Variants in SGCD observed in about 807,000 individuals in gnomAD.
SGCD encodes the protein delta-sarcoglycan.
SGCD carries 18 observed loss-of-function variants against 36.6 expected under a neutral mutation model. The observed-to-expected ratio is 0.49, with a 90% confidence interval of 0.34 to 0.73. The LOEUF is 0.73. Ranked by LOEUF, SGCD falls within the 30% of genes least tolerant of loss-of-function variation. The pLI, the probability that SGCD is intolerant of heterozygous loss-of-function variation, is 0.01. For synonymous variants in SGCD, 133 were observed against 130.6 expected, an observed-to-expected ratio of 1.02 and a Z score of -0.12; for missense variants, 387 against 346.7, an observed-to-expected ratio of 1.12 and a Z score of -0.92.
chr5:155,800,707 G>A, the SGCD span, among the ~76,000 whole-genome samples: 11 of 151,884 alleles, frequency 7.2e-5, no homozygotes, highest in African/African-American at 1.7e-4. Flanking sequence ...AGATCTTTGC[G>A]CAGTTTGGGG....
At chr5:156,291,341 T>TA (rs968748059) in intron 3 of SGCD, among the ~76,000 whole-genome samples, 4 of 151,972 alleles carry the variant, frequency 2.6e-5, no homozygotes, top group African/African-American at 9.7e-5. Context: ...GCTATGCATG[T>TA]AAAAAACAAC....
At chr5:156,647,377 G>A (rs1356584514) in intron 6 of SGCD, 87 bp from the exon 7 acceptor site, 11 of 833,064 alleles carry the variant, frequency 1.3e-5, no homozygotes, top group Non-Finnish European at 2.2e-5. Flanking sequence ...TGGATTCGCT[G>A]CATTTAGCTC....
intron 3 of SGCD, among the ~76,000 whole-genome samples, chr5:156,190,975 A>G (rs1247211413): frequency 6.6e-6 from 1 of 152,186 alleles, no homozygotes; most frequent in Non-Finnish European, 1.5e-5. Flanking sequence ...TGTACAAAAT[A>G]AAAGTTCATT....
intron 1 of SGCD, among the ~76,000 whole-genome samples, chr5:155,957,956 G>A (rs1757701113): frequency 6.6e-6 from 1 of 152,038 alleles, no homozygotes; most frequent in African/African-American, 2.4e-5. Flanking sequence ...GGTAGTCCTG[G>A]GAACTTGTGG....
At chr5:156,332,054 C>G (rs1468418251) in intron 2 of SGCD, among the ~76,000 whole-genome samples, 1 of 152,114 alleles carries the variant, frequency 6.6e-6, no homozygotes, top group Non-Finnish European at 1.5e-5. Context: ...ATCTGCTTCC[C>G]TCAGGGGTCA....
chr5:156,383,991 C>G (rs984589999), intron 3 of SGCD, among the ~76,000 whole-genome samples: 14 of 152,146 alleles, frequency 9.2e-5, no homozygotes, highest in African/African-American at 3.1e-4. Flanking sequence ...CATGCTCATC[C>G]TAGGGTCCAG....
intron 3 of SGCD, among the ~76,000 whole-genome samples, chr5:156,458,227 C>T: frequency 6.6e-6 from 1 of 152,172 alleles, no homozygotes; most frequent in East Asian, 1.9e-4. Flanking sequence ...ATAAGGACAA[C>T]TCTATGTACA....
At chr5:156,541,459 G>A (rs1023038590) in intron 4 of SGCD, among the ~76,000 whole-genome samples, 1 of 152,148 alleles carries the variant, frequency 6.6e-6, no homozygotes, top group Non-Finnish European at 1.5e-5. Flanking sequence ...AAAAGGTGGA[G>A]AGTTGAGAAA....
upstream of SGCD, among the ~76,000 whole-genome samples, chr5:155,867,270 G>C (rs1580960234): frequency 6.6e-6 from 1 of 152,138 alleles, no homozygotes; most frequent in Non-Finnish European, 1.5e-5. Flanking sequence ...CAGAGTGAAA[G>C]GAGAGAAGAA....
intron 3 of SGCD, among the ~76,000 whole-genome samples, chr5:156,455,673 C>G (rs1243382406): frequency 6.6e-6 from 1 of 152,084 alleles, no homozygotes; most frequent in Non-Finnish European, 1.5e-5. Flanking sequence ...TTCTCCTGTC[C>G]AGCTTCTTGA....
chr5:155,756,060 G>T, the SGCD span, among the ~76,000 whole-genome samples: 1 of 152,216 alleles, frequency 6.6e-6, no homozygotes, highest in Non-Finnish European at 1.5e-5. Flanking sequence ...AGCCTCTGGA[G>T]TTAGCCAGAC....
chr5:156,454,035 G>C (rs1348430883), intron 3 of SGCD, among the ~76,000 whole-genome samples: 1 of 152,130 alleles, frequency 6.6e-6, no homozygotes, highest in Non-Finnish European at 1.5e-5. Context: ...TTGTGGTGGG[G>C]CTTTCACAGG....
At chr5:155,851,763 C>T in the SGCD span, among the ~76,000 whole-genome samples, 1 of 152,160 alleles carries the variant, frequency 6.6e-6, no homozygotes, top group African/African-American at 2.4e-5. Flanking sequence ...CCTGTACCAC[C>T]ATCTTGATAT....
chr5:156,344,998 G>A (rs1479139814), intron 3 of SGCD, among the ~76,000 whole-genome samples: 1 of 152,118 alleles, frequency 6.6e-6, no homozygotes, highest in Admixed American at 6.5e-5. Context: ...AAGCAATAGA[G>A]AATAAATTCA....
intron 3 of SGCD, among the ~76,000 whole-genome samples, chr5:156,309,998 C>A (rs1043011158): frequency 2.6e-5 from 4 of 152,048 alleles, no homozygotes; most frequent in Admixed American, 2.6e-4. Flanking sequence ...AAATCAGATT[C>A]TCTTCCTCAG....
chr5:156,373,075 G>C (rs1043510990), intron 3 of SGCD, among the ~76,000 whole-genome samples: 2 of 152,006 alleles, frequency 1.3e-5, no homozygotes, highest in East Asian at 3.9e-4. Context: ...AGAGGTATTT[G>C]GTGTTTAAAT....
At chr5:156,444,962 A>G (rs1753699722) in intron 3 of SGCD, among the ~76,000 whole-genome samples, 1 of 152,158 alleles carries the variant, frequency 6.6e-6, no homozygotes, top group African/African-American at 2.4e-5. Context: ...GTCTATAAAT[A>G]AAACCACTTT....
chr5:156,307,142 A>G (rs193178529), intron 3 of SGCD, among the ~76,000 whole-genome samples: 21 of 151,852 alleles, frequency 1.4e-4, no homozygotes, highest in African/African-American at 4.8e-4. Flanking sequence ...CCTGGGCCCA[A>G]GCAATCCTTC....
chr5:156,622,801 G>T (rs1762305465), intron 6 of SGCD, among the ~76,000 whole-genome samples: 1 of 151,934 alleles, frequency 6.6e-6, no homozygotes, highest in African/African-American at 2.4e-5. Context: ...CTTTCCTCTG[G>T]GTATAGAGTA....
Sources: allele counts gnomAD v4.1 joint callset (sites outside exome capture counted in the v4.1 genomes callset), GRCh38; gene constraint gnomAD v4.1.1; transcripts MANE v1.5; gene names NCBI Gene and HGNC (gene_info 2026-07-23, HGNC 2026-07-21).